SYT17: variants seen among roughly 807,000 people sequenced by gnomAD.
The protein encoded by SYT17 is synaptotagmin 17, also known as synaptotagmin-17.
In SYT17, 22 loss-of-function variants were observed where a neutral mutation model predicts 46.7. That is an observed-to-expected ratio of 0.47 (90% CI 0.34 to 0.67). The LOEUF (loss-of-function observed/expected upper bound fraction) is 0.67. Ranked by LOEUF, SYT17 falls within the 30% of genes least tolerant of loss-of-function variation. The pLI, the probability that SYT17 is intolerant of heterozygous loss-of-function variation, is 0.01. For synonymous variants in SYT17, 251 were observed against 248.4 expected, an observed-to-expected ratio of 1.01 and a Z score of -0.10; for missense variants, 519 against 612.8, an observed-to-expected ratio of 0.85 and a Z score of 1.62.
intron 5 of SYT17, among the ~76,000 whole-genome samples, chr16:19,206,707 A>G (rs1318988255): frequency 6.6e-6 from 1 of 151,994 alleles, no homozygotes; most frequent in East Asian, 1.9e-4. Flanking sequence ...GCATCCCTCC[A>G]GCCTCCACCT....
chr16:19,199,650 C>A (rs1468046254), intron 5 of SYT17, among the ~76,000 whole-genome samples: 1 of 152,094 alleles, frequency 6.6e-6, no homozygotes, highest in Non-Finnish European at 1.5e-5. Flanking sequence ...GCAGGTAGAT[C>A]CCCTGAGCCC....
rs1555459738 is a variant in SYT17, at chr16:19,220,303, C to CTTTTTTTTTT, written c.952-2734_952-2725dup. Reference sequence around the variant, plus strand: ...TTCAATGACATTTCTTTCTTTCTTTCTTTTTTTTTTTTTTTTTGAGATGAA... The same window carrying CTTTTTTTTTT: ...TTCAATGACATTTCTTTCTTTCTTTCTTTTTTTTTTTTTTTTTTTTTTTTTTTGAGATGAA... On this transcript the variant is annotated intron_variant, in intron 5 of 7. Transcript: ENST00000355377. Among the ~76,000 whole-genome samples the CTTTTTTTTTT allele has an allele frequency of 4.1e-3, 330 of 80,480 alleles. 34 individuals carry two copies. Among genetic ancestry groups the CTTTTTTTTTT allele is most frequent in the African/African-American group, 0.015 (295 of 19,850 alleles). 52.8% of individuals were successfully genotyped at this position (80,480 alleles called of 152,430 possible).
intron 5 of SYT17, among the ~76,000 whole-genome samples, chr16:19,215,766 C>T (rs1023267798): frequency 1.3e-5 from 2 of 152,154 alleles, no homozygotes; most frequent in South Asian, 2.1e-4. Flanking sequence ...AGTCTGTTCT[C>T]ATGCTGCTGA....
At chr16:19,179,335 G>T (rs182640990) in intron 3 of SYT17, among the ~76,000 whole-genome samples, 23 of 152,162 alleles carry the variant, frequency 1.5e-4, no homozygotes, top group African/African-American at 5.1e-4. Flanking sequence ...CTGCCATGTT[G>T]CCCAGGCTGA....
chr16:19,177,024 G>C (rs80082763), intron 3 of SYT17, among the ~76,000 whole-genome samples: 1,673 of 152,236 alleles, frequency 0.011, 23 homozygotes, highest in South Asian at 0.021. Flanking sequence ...TCACAGCCAG[G>C]TACCTGTTTG....
At position 19,225,149 on chromosome 16, in the gene SYT17, G is replaced by A. The variant is rs556117059; in HGVS notation, c.1228+311G>A. On this transcript the variant is annotated intron_variant, in intron 7 of 7. Transcript: ENST00000355377. ...TACAAAATGTGAACAATAATAGTAC[G>A]TGTGGCATAGGTTTGTTGTGAACAG... Among the ~76,000 whole-genome samples, 19 of 152,258 alleles carry A rather than the reference G, an allele frequency of 1.2e-4. 1 individual carries two copies. The highest frequency in any genetic ancestry group is 3.6e-4 in the African/African-American group (15 of 41,552).
intron 5 of SYT17, among the ~76,000 whole-genome samples, chr16:19,192,788 G>T (rs1358444112): frequency 6.6e-6 from 1 of 152,134 alleles, no homozygotes; most frequent in Admixed American, 6.5e-5. Context: ...AACAGTGCGG[G>T]GTCGGTTGGG....
At chr16:19,188,253 G>A (rs749042161) in intron 5 of SYT17, among the ~76,000 whole-genome samples, 24 of 152,026 alleles carry the variant, frequency 1.6e-4, no homozygotes, top group Non-Finnish European at 2.2e-4. Context: ...CAAATACTCC[G>A]TGTTCTCACT....
chr16:19,179,175 T>C (rs1320136755), intron 3 of SYT17, among the ~76,000 whole-genome samples: 1 of 152,182 alleles, frequency 6.6e-6, no homozygotes, highest in Non-Finnish European at 1.5e-5. Flanking sequence ...TCACCCAGGC[T>C]GGAGTACAGT....
chr16:19,254,391 C>T (rs79550011), intron 7 of SYT17, among the ~76,000 whole-genome samples: 2,309 of 152,266 alleles, frequency 0.015, 50 homozygotes, highest in African/African-American at 0.052. Flanking sequence ...GAGATTCACT[C>T]GGGGAGCATT....
At chr16:19,260,171 G>A (rs1968859668) in intron 7 of SYT17, among the ~76,000 whole-genome samples, 1 of 151,700 alleles carries the variant, frequency 6.6e-6, no homozygotes, top group South Asian at 2.1e-4. Context: ...GAGAATAGAT[G>A]GTAAGTGTTT....
intron 3 of SYT17, among the ~76,000 whole-genome samples, chr16:19,177,133 C>G (rs1318330402): frequency 6.6e-6 from 1 of 152,180 alleles, no homozygotes; most frequent in East Asian, 1.9e-4. Context: ...GCTGCTAACC[C>G]TTTGTGTAAG....
At chr16:19,236,801 G>T (rs996971979) in intron 7 of SYT17, among the ~76,000 whole-genome samples, 37 of 152,128 alleles carry the variant, frequency 2.4e-4, no homozygotes, top group African/African-American at 8.4e-4. Context: ...AGCTTGTCAC[G>T]CCTTTGGCAT....
intron 5 of SYT17, among the ~76,000 whole-genome samples, chr16:19,187,295 G>A (rs571679244): frequency 1.3e-5 from 2 of 152,232 alleles, no homozygotes; most frequent in East Asian, 1.9e-4. Flanking sequence ...TCTCACCTCG[G>A]CCTCCTAAAG....
intron 5 of SYT17, among the ~76,000 whole-genome samples, chr16:19,217,800 G>A (rs1966153297): frequency 6.6e-6 from 1 of 152,182 alleles, no homozygotes. Flanking sequence ...CAGCGTTCTT[G>A]TTTACCACAT....
intron 7 of SYT17, among the ~76,000 whole-genome samples, chr16:19,245,904 T>C (rs1967515800): frequency 6.6e-6 from 1 of 152,230 alleles, no homozygotes; most frequent in Non-Finnish European, 1.5e-5. Flanking sequence ...TTATAAAAGA[T>C]ATAATTTTTC....
intron 7 of SYT17, among the ~76,000 whole-genome samples, chr16:19,248,845 T>C (rs1016133938): frequency 1.3e-5 from 2 of 151,488 alleles, no homozygotes; most frequent in Non-Finnish European, 2.9e-5. Flanking sequence ...ACAAAAAGAA[T>C]ATTACTCAGC....
intron 2 of SYT17, 94 bp downstream of exon 2, chr16:19,172,871 A>C: frequency 7.1e-7 from 1 of 1,406,362 alleles, no homozygotes; most frequent in South Asian, 1.2e-5. Flanking sequence ...GGGGATATTG[A>C]ATATTCAACA....
chr16:19,255,646 G>A (rs1044871801), intron 7 of SYT17, among the ~76,000 whole-genome samples: 4 of 152,092 alleles, frequency 2.6e-5, no homozygotes, highest in Non-Finnish European at 5.9e-5. Context: ...TTAGCTGGGC[G>A]TGGTGAGGTG....
Sources: allele counts gnomAD v4.1 joint callset (sites outside exome capture counted in the v4.1 genomes callset), GRCh38; gene constraint gnomAD v4.1.1; transcripts MANE v1.5; gene names NCBI Gene and HGNC (gene_info 2026-07-23, HGNC 2026-07-21).